Variants in TAFA2 observed in about 807,000 individuals in gnomAD.
The protein encoded by TAFA2 is chemokine-like protein TAFA-2.
Under a neutral mutation model 18.8 loss-of-function variants are expected in TAFA2, and 7 were observed. That is an observed-to-expected ratio of 0.37 (90% CI 0.21 to 0.70). The LOEUF (loss-of-function observed/expected upper bound fraction) is 0.70, where lower values mean the gene tolerates loss of function less well. Ranked by LOEUF, TAFA2 falls within the 30% of genes least tolerant of loss-of-function variation. The pLI is 0.53. For synonymous variants in TAFA2, 60 were observed against 54.2 expected, an observed-to-expected ratio of 1.11 and a Z score of -0.47; for missense variants, 122 against 158.1, an observed-to-expected ratio of 0.77 and a Z score of 1.23.
intron 1 of TAFA2, among the ~76,000 whole-genome samples, chr12:62,221,769 G>A (rs979026197): frequency 6.6e-6 from 1 of 151,840 alleles, no homozygotes; most frequent in African/African-American, 2.4e-5. Flanking sequence ...CCCTAGAGAA[G>A]GAAATCATTT....
chr12:61,901,969 A>G (rs889622542), intron 1 of TAFA2, among the ~76,000 whole-genome samples: 8 of 152,034 alleles, frequency 5.3e-5, no homozygotes, highest in Admixed American at 3.3e-4. Flanking sequence ...TCTATCAAAC[A>G]CAGTTTTATG....
chr12:61,973,395 ATTTTTT>A (rs33918768), intron 1 of TAFA2, among the ~76,000 whole-genome samples: 1 of 135,554 alleles, frequency 7.4e-6, no homozygotes, highest in African/African-American at 2.7e-5. Flanking sequence ...TATTATTTAG[ATTTTTT>A]TTTTTTTTTT....
chr12:62,033,888 T>G (rs1881529644), intron 1 of TAFA2, among the ~76,000 whole-genome samples: 1 of 152,174 alleles, frequency 6.6e-6, no homozygotes. Context: ...ATTAGATTAC[T>G]TTTATGAAAA....
intron 3 of TAFA2, 125 bp downstream of exon 3, chr12:61,754,747 A>G (rs1025375916): frequency 4.3e-6 from 4 of 927,418 alleles, no homozygotes; most frequent in Non-Finnish European, 4.6e-6. Context: ...TCTAGTTTCA[A>G]CTTATCATGG....
At chr12:61,735,239 C>T (rs1236443270) in intron 4 of TAFA2, among the ~76,000 whole-genome samples, 6 of 151,914 alleles carry the variant, frequency 3.9e-5, no homozygotes, top group Non-Finnish European at 8.8e-5. Flanking sequence ...TTGATATTTG[C>T]ATAGTGTATA....
chr12:62,003,579 T>C (rs981925846), intron 1 of TAFA2, among the ~76,000 whole-genome samples: 6 of 152,196 alleles, frequency 3.9e-5, no homozygotes, highest in African/African-American at 1.4e-4. Context: ...AGCCTGGTAC[T>C]CCCAATCCTT....
At chr12:62,094,242 A>G (rs1040333280) in intron 1 of TAFA2, among the ~76,000 whole-genome samples, 5 of 152,048 alleles carry the variant, frequency 3.3e-5, no homozygotes, top group African/African-American at 1.2e-4. Flanking sequence ...ATGGAAAACC[A>G]AATATTGTGT....
At chr12:61,932,755 T>A (rs1024696319) in intron 1 of TAFA2, among the ~76,000 whole-genome samples, 15 of 152,290 alleles carry the variant, frequency 9.8e-5, no homozygotes, top group Non-Finnish European at 2.1e-4. Context: ...ACTCTTGTAA[T>A]GGCCCAGGAC....
intron 2 of TAFA2, among the ~76,000 whole-genome samples, chr12:61,853,125 T>C (rs1263515277): frequency 6.6e-6 from 1 of 152,202 alleles, no homozygotes; most frequent in Non-Finnish European, 1.5e-5. Context: ...TTTCATAATG[T>C]ATACATATAT....
chr12:62,107,131 A>G (rs1869495192), intron 1 of TAFA2, among the ~76,000 whole-genome samples: 1 of 152,224 alleles, frequency 6.6e-6, no homozygotes, highest in South Asian at 2.1e-4. Flanking sequence ...ACGTACAACA[A>G]AAATGCAGGT....
chr12:62,034,287 A>C (rs348687), intron 1 of TAFA2, among the ~76,000 whole-genome samples: 29,312 of 152,064 alleles, frequency 0.19, 3,480 homozygotes, highest in Non-Finnish European at 0.26. Context: ...AAGGGACAGG[A>C]TGAAGGTCAG....
Position 62,044,501 on chromosome 12 carries a change from C to T in TAFA2, c.-2+146758G>A, listed in dbSNP as rs1372017337. 2.6e-5 allele frequency among the ~76,000 whole-genome samples: 4 copies of T among 152,230 alleles called. No individual in the cohort carries two copies. The South Asian group carries it at 6.2e-4, about 24-fold the overall frequency. ...CCACAAGTAAAGAAAGCCCGCATAACCTGAATTCTGGCTTACACCAGGCAG... is the reference window on the plus strand; with the variant it reads ...CCACAAGTAAAGAAAGCCCGCATAATCTGAATTCTGGCTTACACCAGGCAG... On this transcript the variant is annotated intron_variant, in intron 1 of 4. Coordinates refer to ENST00000416284, the MANE Select transcript of TAFA2 (RefSeq NM_178539.5).
chr12:62,156,889 A>ATTT (rs1431601403), intron 1 of TAFA2, among the ~76,000 whole-genome samples: 3 of 152,210 alleles, frequency 2.0e-5, no homozygotes, highest in Non-Finnish European at 4.4e-5. Flanking sequence ...CTTAAGGGAA[A>ATTT]AAAATTTAAA....
At position 62,074,698 on chromosome 12, in the gene TAFA2, A is replaced by ATTT. The variant is rs67195424; in HGVS notation, c.-2+116558_-2+116560dup. On this transcript the variant is annotated intron_variant, in intron 1 of 4. Transcript: ENST00000416284. ...CATCCAAATCCTTCTAACTACATGA[A>ATTT]TTTTTTTTTTTTTTTTTTTTTGAGA... is the stretch of plus-strand genomic sequence containing the variant. Among the ~76,000 whole-genome samples, 10 of 137,672 alleles carry ATTT rather than the reference A, an allele frequency of 7.3e-5. 1 individual carries two copies. Among genetic ancestry groups the ATTT allele is most frequent in the African/African-American group, 1.7e-4 (6 of 35,330 alleles). The allele number at this position is 137,672 out of a possible 152,430, so 90.3% of individuals were successfully genotyped here.
intron 1 of TAFA2, among the ~76,000 whole-genome samples, chr12:61,886,786 A>C (rs145004668): frequency 6.6e-6 from 1 of 152,114 alleles, no homozygotes; most frequent in African/African-American, 2.4e-5. Flanking sequence ...ATGGTTCATG[A>C]ATTGGGGGGC....
rs556728504 is a variant in TAFA2, at chr12:61,743,527, C to T, written c.384+10095G>A. Among the ~76,000 whole-genome samples the T allele has an allele frequency of 2.0e-5, 3 of 152,160 alleles. No individual in the cohort carries two copies. In the East Asian group the frequency reaches 5.8e-4, roughly 30 times the overall value. On this transcript the variant is annotated intron_variant, in intron 4 of 4. Transcript: ENST00000416284. ...TTACATTTGCCTCTTTTCTTCTACC[C>T]CATTAAAAGTTGGTATCCAGGACTT...
chr12:62,220,345 T>G lies in TAFA2; in HGVS notation c.-130+38418A>C, dbSNP rs1298192203. The stretch of plus-strand genomic sequence containing the variant: ...TTTTTAAAAATATCTAAAACAATAA[T>G]GAGATACCACTACACACCTGTAAGA... On this transcript the variant is annotated intron_variant, in intron 1 of 5. Coordinates refer to the TAFA2 transcript ENST00000551619. Among the ~76,000 whole-genome samples, 4 of 152,014 alleles carry G rather than the reference T, an allele frequency of 2.6e-5. No homozygotes were observed. In the East Asian group the frequency reaches 7.7e-4, roughly 29 times the overall value.
At chr12:62,142,137 G>A (rs997738382) in intron 1 of TAFA2, among the ~76,000 whole-genome samples, 3 of 152,134 alleles carry the variant, frequency 2.0e-5, no homozygotes, top group African/African-American at 7.2e-5. Flanking sequence ...TAAGTAACTT[G>A]CCACTTTATA....
intron 1 of TAFA2, among the ~76,000 whole-genome samples, chr12:62,251,010 T>C (rs1035505945): frequency 7.5e-6 from 1 of 133,336 alleles, no homozygotes; most frequent in Non-Finnish European, 1.8e-5. Flanking sequence ...TATGCGTATA[T>C]TGTTGTATGG....
Sources: gnomAD v4.1 joint callset for allele counts (sites outside exome capture counted in the v4.1 genomes callset) on GRCh38, gnomAD v4.1.1 for gene constraint, MANE v1.5 for transcripts, NCBI Gene and HGNC (gene_info 2026-07-23, HGNC 2026-07-21) for gene names.